Variants in RALGAPA2 observed in about 807,000 individuals in gnomAD.
RALGAPA2 encodes the protein Ral GTPase activating protein catalytic subunit alpha 2, also known as ral GTPase-activating protein subunit alpha-2.
A neutral mutation model predicts 230.4 loss-of-function variants in RALGAPA2; 139 were observed. The observed-to-expected ratio is 0.60, with a 90% CI of 0.53 to 0.69. The LOEUF is 0.69. RALGAPA2 is among the 30% of genes least tolerant of loss of function. The probability of loss-of-function intolerance (pLI) is 0.00; values close to 1 mark genes in which losing one functional copy is unlikely to be tolerated. For synonymous variants in RALGAPA2, 847 were observed against 837.8 expected, an observed-to-expected ratio of 1.01 and a Z score of -0.19; for missense variants, 2,163 against 2,276.0, an observed-to-expected ratio of 0.95 and a Z score of 1.01.
At chr20:20,433,566 A>G (rs1243832992) in intron 37 of RALGAPA2, among the ~76,000 whole-genome samples, 1 of 152,216 alleles carries the variant, frequency 6.6e-6, no homozygotes, top group Non-Finnish European at 1.5e-5. Flanking sequence ...TGCAAGCTGC[A>G]CCAACAGTTT....
rs935657311 is a variant in RALGAPA2, at chr20:20,621,043, A to G, written c.1234-413T>C. ...GTAATCCCAGCTACTCAGGAGGCTGAGGCAAGAGAATCACTTGAACCCAGG... is the reference window on the plus strand; with the variant it reads ...GTAATCCCAGCTACTCAGGAGGCTGGGGCAAGAGAATCACTTGAACCCAGG... On this transcript the variant is annotated intron_variant, in intron 10 of 39. Coordinates refer to ENST00000202677, the MANE Select transcript of RALGAPA2 (RefSeq NM_020343.4). Among the ~76,000 whole-genome samples, 3 of 151,968 alleles carry G rather than the reference A, an allele frequency of 2.0e-5. No homozygotes were observed. In the East Asian group the frequency reaches 5.8e-4, roughly 29 times the overall value.
intron 3 of RALGAPA2, among the ~76,000 whole-genome samples, chr20:20,670,181 T>A (rs548641122): frequency 1.3e-5 from 2 of 152,364 alleles, no homozygotes; most frequent in South Asian, 4.1e-4. Flanking sequence ...CCTACGTGTG[T>A]CTGACACAGT....
chr20:20,516,425 C>A (rs550116141), intron 31 of RALGAPA2, among the ~76,000 whole-genome samples: 2 of 152,246 alleles, frequency 1.3e-5, no homozygotes, highest in Non-Finnish European at 2.9e-5. Context: ...CTAGCTGATG[C>A]AGCCCACTAC....
chr20:20,701,447 A>C lies in RALGAPA2; in HGVS notation c.106+10928T>G, dbSNP rs146915230. 5.9e-3 allele frequency among the ~76,000 whole-genome samples: 901 copies of C among 152,302 alleles called. 33 individuals are homozygous for C. The highest frequency in any genetic ancestry group is 0.055 in the Admixed American group (838 of 15,300). ...ACGGATAAGGCATGAACACAAATAA[A>C]CATGGTGTGGGCCGGGCGCGGTGGC... On this transcript the variant is annotated intron_variant, in intron 1 of 39. Coordinates refer to ENST00000202677, the MANE Select transcript of RALGAPA2 (RefSeq NM_020343.4).
At chr20:20,676,206 T>C (rs1258741080) in intron 3 of RALGAPA2, 30 bp downstream of exon 3, 1 of 1,408,456 alleles carries the variant, frequency 7.1e-7, no homozygotes, top group South Asian at 1.4e-5. Context: ...ACAAGAATTA[T>C]AAAAGCTAAA....
chr20:20,574,997 A>G (rs1276420342), intron 20 of RALGAPA2, among the ~76,000 whole-genome samples: 3 of 152,178 alleles, frequency 2.0e-5, no homozygotes, highest in Non-Finnish European at 4.4e-5. Context: ...TCCAGTCCTC[A>G]GCAGCATTTG....
At chr20:20,585,497 G>C (rs1231930987) in intron 18 of RALGAPA2, among the ~76,000 whole-genome samples, 1 of 152,140 alleles carries the variant, frequency 6.6e-6, no homozygotes, top group East Asian at 1.9e-4. Flanking sequence ...GTTATAATTT[G>C]CTTGGAGAGA....
chr20:20,522,919 C>T (rs1338221094), intron 30 of RALGAPA2, among the ~76,000 whole-genome samples: 1 of 152,052 alleles, frequency 6.6e-6, no homozygotes, highest in Non-Finnish European at 1.5e-5. Flanking sequence ...TTATAAACCA[C>T]AAAAACAACA....
chr20:20,402,707 G>A (rs749860831), intron 38 of RALGAPA2, among the ~76,000 whole-genome samples: 1 of 152,186 alleles, frequency 6.6e-6, no homozygotes, highest in Non-Finnish European at 1.5e-5. Flanking sequence ...CCAGAGATGG[G>A]AATACATGGC....
rs764573930 is a variant in RALGAPA2 at position 20,536,725 on chromosome 20, G to A, written c.3345C>T (p.Tyr1115=). The part of the protein sequence containing the change: ...LGSLVCFPNT[Y]QEIPLLQSVP... ...CTGACTGCAGTAAAGGAATCTCCTG[G>A]TAGGTATTTGGAAAGCAGACCAGAG... is the stretch of plus-strand genomic sequence containing the variant. Residue 1115 remains tyrosine (Y), a synonymous_variant, in exon 25 of 40, where the codon TAC becomes TAT. Transcript: ENST00000202677. The A allele has an allele frequency of 1.2e-5, 19 of 1,612,998 alleles. No homozygotes were observed. In the East Asian group the frequency reaches 3.8e-4, roughly 32 times the overall value.
At chr20:20,593,908 C>T (rs1602986445) in intron 16 of RALGAPA2, among the ~76,000 whole-genome samples, 1 of 152,216 alleles carries the variant, frequency 6.6e-6, no homozygotes, top group South Asian at 2.1e-4. Flanking sequence ...AGCTGGTCTG[C>T]CTTCCCAACA....
chr20:20,559,410 A>C (rs1197096235), intron 23 of RALGAPA2, among the ~76,000 whole-genome samples: 2 of 152,166 alleles, frequency 1.3e-5, no homozygotes, highest in Non-Finnish European at 2.9e-5. Context: ...AGCTCTATCA[A>C]CCTGCTTATG....
rs750894324 is a variant in RALGAPA2, at chr20:20,591,207, G to C, written c.2311C>G (p.Pro771Ala). 3 of 1,613,864 alleles carry C rather than the reference G, an allele frequency of 1.9e-6. No homozygotes were observed. In the East Asian group the frequency reaches 6.7e-5, roughly 36 times the overall value. The stretch of plus-strand genomic sequence containing the variant: ...GAAGAATCTGAGCACAGCGGCTCGG[G>C]GATGTCGGAGGTGCTGCTGCTCCGA... ...VLRSSSTSDIPEPLCSDSSQG... is the reference protein window; with the variant it reads ...VLRSSSTSDIAEPLCSDSSQG... The change falls in exon 17 of 40, where the codon CCC becomes GCC. Residue 771 changes from proline (P) to alanine (A), a missense_variant. By Grantham distance (27) the Pro-to-Ala change is conservative. Transcript: ENST00000202677.
At chr20:20,426,096 G>A (rs2060377392) in intron 37 of RALGAPA2, among the ~76,000 whole-genome samples, 1 of 152,206 alleles carries the variant, frequency 6.6e-6, no homozygotes, top group Non-Finnish European at 1.5e-5. Context: ...GACCAGATGA[G>A]CGTGGAGAAT....
At chr20:20,494,766 G>C (rs771564230) in intron 36 of RALGAPA2, among the ~76,000 whole-genome samples, 1 of 152,174 alleles carries the variant, frequency 6.6e-6, no homozygotes, top group East Asian at 1.9e-4. Context: ...GTGATATGGG[G>C]TTCCTTCAAC....
In RALGAPA2 at chr20:20,503,457, C is replaced by T; in HGVS notation, c.5102G>A (p.Gly1701Asp). The change falls in exon 35 of 40, where the codon GGC (glycine) becomes GAC (aspartate). Residue 1701 changes from glycine (G) to aspartate (D), a missense_variant. Transcript: ENST00000202677. ...CGFMGGLQRN[G>D]STGQTAPYYA... ...GTAAGGGGCCGTCTGCCCGGTGCTG[C>T]CATTGCGCTGAAGGCCACCCATGAA... The T allele has an allele frequency of 6.2e-7, 1 of 1,606,248 alleles. No homozygotes were observed. The highest frequency in any genetic ancestry group is 1.7e-5 in the Admixed American group (1 of 58,872).
chr20:20,431,184 A>C (rs1231997858), intron 37 of RALGAPA2, among the ~76,000 whole-genome samples: 1 of 152,202 alleles, frequency 6.6e-6, no homozygotes, highest in Non-Finnish European at 1.5e-5. Context: ...GGCATTTCCC[A>C]AGAAGCCATG....
At chr20:20,563,442 C>A (rs1038539654) in intron 23 of RALGAPA2, among the ~76,000 whole-genome samples, 4 of 152,174 alleles carry the variant, frequency 2.6e-5, no homozygotes, top group African/African-American at 9.7e-5. Context: ...ATACCAACTG[C>A]TTGAATTCCA....
At chr20:20,575,657 A>G (rs566516092) in intron 20 of RALGAPA2, among the ~76,000 whole-genome samples, 1 of 152,140 alleles carries the variant, frequency 6.6e-6, no homozygotes, top group Non-Finnish European at 1.5e-5. Context: ...ATCACCTCCT[A>G]CTTTTGTAGC....
Sources: gnomAD v4.1 joint callset for allele counts (sites outside exome capture counted in the v4.1 genomes callset) on GRCh38, gnomAD v4.1.1 for gene constraint, MANE v1.5 for transcripts, NCBI Gene and HGNC (gene_info 2026-07-23, HGNC 2026-07-21) for gene names.